FGD5: variants seen among roughly 807,000 people sequenced by gnomAD.
The protein encoded by FGD5 is FYVE, RhoGEF and PH domain-containing protein 5.
FGD5 carries 28 observed loss-of-function variants against 133.4 expected under a neutral mutation model. That is an observed-to-expected ratio of 0.21 (90% CI 0.16 to 0.29). FGD5 has a LOEUF of 0.29. FGD5 is among the 10% of genes least tolerant of loss of function. The probability of loss-of-function intolerance (pLI) is 1.00; values close to 1 mark genes in which losing one functional copy is unlikely to be tolerated. For synonymous variants in FGD5, 810 were observed against 776.5 expected (o/e 1.04, Z -0.72); for missense variants, 1,858 against 1,895.2 (o/e 0.98, Z 0.36).
chr3:14,926,129 C>T lies in FGD5; in HGVS notation c.4128C>T (p.Gly1376=), dbSNP rs1406174484. Residue 1376 remains glycine, a synonymous_variant, in exon 18 of 20, where the codon GGC becomes GGT. Coordinates refer to ENST00000285046, the MANE Select transcript of FGD5 (RefSeq NM_152536.4). ...GCTATCTCAGCCGGTGTAAGAGGGG[C>T]AAGCGGCACTGGAAGAAGCTCTGGT... is the stretch of plus-strand genomic sequence containing the variant. ...ISGYLSRCKR[G]KRHWKKLWFV... is the part of the protein sequence containing the mutation. 6.2e-7 allele frequency: 1 copy of T among 1,613,960 alleles called. No individual in the cohort carries two copies. Among genetic ancestry groups the T allele is most frequent in the Non-Finnish European group, 8.5e-7 (1 of 1,179,870 alleles).
intron 9 of FGD5, among the ~76,000 whole-genome samples, chr3:14,903,421 T>TG (rs1404255451): frequency 2.0e-5 from 3 of 151,830 alleles, no homozygotes; most frequent in African/African-American, 4.8e-5. Context: ...GTTACATATG[T>TG]ATACATGTGC....
intron 1 of FGD5, among the ~76,000 whole-genome samples, chr3:14,831,157 G>A (rs997076524): frequency 6.6e-6 from 1 of 152,140 alleles, no homozygotes; most frequent in Admixed American, 6.5e-5. Context: ...AGGCCTTTGT[G>A]GGGTTCGTAG....
At chr3:14,911,529 C>G (rs533150523) in intron 11 of FGD5, among the ~76,000 whole-genome samples, 2 of 152,086 alleles carry the variant, frequency 1.3e-5, no homozygotes, top group East Asian at 3.9e-4. Context: ...ATTCCTTGTT[C>G]CTGTCCGCCA....
intron 4 of FGD5, among the ~76,000 whole-genome samples, chr3:14,886,729 C>CG: frequency 6.6e-6 from 1 of 152,178 alleles, no homozygotes; most frequent in Non-Finnish European, 1.5e-5. Flanking sequence ...CATTTTCATG[C>CG]GGCTCACAAT....
At chr3:14,854,432 T>G (rs13098449) in intron 1 of FGD5, among the ~76,000 whole-genome samples, 10,782 of 143,332 alleles carry the variant, frequency 0.075, 525 homozygotes, top group South Asian at 0.16. Flanking sequence ...TTTATTTATT[T>G]ATTGAGACGA....
intron 13 of FGD5, 87 bp from the exon 14 acceptor site, chr3:14,921,831 A>G (rs541120204): frequency 3.1e-6 from 4 of 1,277,860 alleles, no homozygotes; most frequent in African/African-American, 1.5e-5. Flanking sequence ...CTCAAGGGGC[A>G]TCTGAGTGAG....
chr3:14,852,661 G>A (rs753065359), intron 1 of FGD5, among the ~76,000 whole-genome samples: 7 of 152,202 alleles, frequency 4.6e-5, no homozygotes, highest in Non-Finnish European at 8.8e-5. Flanking sequence ...AAGAGGAGGG[G>A]TGGGGATGTC....
rs767984289 is a variant in FGD5 at position 14,820,035 on chromosome 3, G to A, written c.964G>A (p.Glu322Lys). Residue 322 changes from glutamate (E) to lysine (K), a missense_variant, in exon 1 of 20, where the codon GAG (glutamate) becomes AAG (lysine). By Grantham distance (56) the Glu-to-Lys change is moderately conservative. Coordinates refer to ENST00000285046, the MANE Select transcript of FGD5 (RefSeq NM_152536.4). ...LEDHAQDESA[E>K]ESCQIVPFEN... The stretch of plus-strand genomic sequence containing the variant: ...GGACCATGCACAGGATGAGTCCGCC[G>A]AGGAGAGCTGCCAGATTGTCCCTTT... 62 of 1,613,908 alleles carry A rather than the reference G, an allele frequency of 3.8e-5. No homozygotes were observed. Among genetic ancestry groups the A allele is most frequent in the Non-Finnish European group, 4.7e-5 (55 of 1,179,900 alleles).
At chr3:14,923,934 A>G in intron 16 of FGD5, 74 bp from the exon 17 acceptor site, 1 of 1,570,526 alleles carries the variant, frequency 6.4e-7, no homozygotes, top group Non-Finnish European at 8.7e-7. Flanking sequence ...GGGATTTTAC[A>G]GGAATCAGTG....
rs1469300552 is a variant in FGD5 at position 14,922,150 on chromosome 3, C to G, written c.3669+133C>G. ...TTGGGGCACTGGCTCCCCCCACACC[C>G]CTGCCATGCTCCCACCCTAGTCAGG... On this transcript the variant is annotated intron_variant, in intron 14 of 19. Transcript: ENST00000285046. This position sits in a 1 kb window ranked among gnomAD's most constrained non-coding sequence, Gnocchi z 4.1. 2 of 1,068,256 alleles carry G rather than the reference C, an allele frequency of 1.9e-6. No individual in the cohort carries two copies. Among genetic ancestry groups the G allele is most frequent in the Non-Finnish European group, 2.7e-6 (2 of 731,770 alleles). The allele number at this position is 1,068,256 out of a possible 1,614,324, so 66.2% of individuals were successfully genotyped here.
chr3:14,870,471 AGCCTCAGCCCTG>A (rs2037585015), intron 2 of FGD5, among the ~76,000 whole-genome samples: 2 of 152,136 alleles, frequency 1.3e-5, no homozygotes, highest in South Asian at 4.1e-4. Context: ...ACAAGCCCTG[AGCCTCAGCCCTG>A]GTGGCCTCAC....
chr3:14,854,415 T>TGA (rs1403225932), intron 1 of FGD5, among the ~76,000 whole-genome samples: 1 of 132,422 alleles, frequency 7.6e-6, no homozygotes, highest in Non-Finnish European at 1.6e-5. Flanking sequence ...ATTTATTTAT[T>TGA]TATTTATTTA....
chr3:14,906,340 G>A (rs1053547887), intron 9 of FGD5, among the ~76,000 whole-genome samples: 2 of 152,228 alleles, frequency 1.3e-5, no homozygotes, highest in Non-Finnish European at 2.9e-5. Context: ...CCTTAGACAG[G>A]TTTCTGGCCA....
chr3:14,889,866 T>G (rs293928), intron 4 of FGD5, among the ~76,000 whole-genome samples: 2 of 151,888 alleles, frequency 1.3e-5, no homozygotes, highest in African/African-American at 2.4e-5. Context: ...GCTTTTTTTT[T>G]AAAAAAATTG....
At chr3:14,860,154 G>T (rs1036639849) in intron 1 of FGD5, among the ~76,000 whole-genome samples, 1 of 152,298 alleles carries the variant, frequency 6.6e-6, no homozygotes, top group Non-Finnish European at 1.5e-5. Flanking sequence ...TTGGCTTTTG[G>T]CAGGGGATGA....
chr3:14,840,917 C>T (rs1575200747), intron 1 of FGD5, among the ~76,000 whole-genome samples: 1 of 152,150 alleles, frequency 6.6e-6, no homozygotes, highest in South Asian at 2.1e-4. Context: ...TTTAAAATAA[C>T]TTACTAAATT....
chr3:14,835,204 A>G (rs1443964162), intron 1 of FGD5, among the ~76,000 whole-genome samples: 1 of 152,238 alleles, frequency 6.6e-6, no homozygotes. Context: ...CGGGTCAGAA[A>G]GCTGGACTAC....
intron 1 of FGD5, among the ~76,000 whole-genome samples, chr3:14,863,018 C>T (rs1575215495): frequency 6.6e-6 from 1 of 152,268 alleles, no homozygotes; most frequent in East Asian, 1.9e-4. Context: ...GCTGTTTCTC[C>T]TCCCCTGATG....
In FGD5 at chr3:14,922,452, C is replaced by G. The variant is rs2038702362; in HGVS notation, c.3711C>G (p.Pro1237=). 3 of 1,571,484 alleles carry G rather than the reference C, an allele frequency of 1.9e-6. No individual in the cohort carries two copies. The highest frequency in any genetic ancestry group is 1.2e-5 in the South Asian group (1 of 85,208). Residue 1237 remains proline, a synonymous_variant, in exon 15 of 20, where the codon CCC becomes CCG. Coordinates refer to ENST00000285046, the MANE Select transcript of FGD5 (RefSeq NM_152536.4). The surrounding 1 kb of genome is among the most constrained non-coding windows in gnomAD (Gnocchi z 4.1). ...GGGTTAGCCTTGGGGAGAGGCCCCC[C>G]ACCCTGGTGCCTGTCACACACGTCA... ...RLGVSLGERP[P]TLVPVTHVMM... is the part of the protein sequence containing the mutation.
Sources: allele counts gnomAD v4.1 joint callset (sites outside exome capture counted in the v4.1 genomes callset), GRCh38; gene constraint gnomAD v4.1.1; non-coding constraint Gnocchi (gnomAD v3.1); transcripts MANE v1.5; gene names NCBI Gene and HGNC (gene_info 2026-07-23, HGNC 2026-07-21).